RAD21L1: variants seen among roughly 807,000 people sequenced by gnomAD.
The protein encoded by RAD21L1 is double-strand-break repair protein rad21-like protein 1.
A neutral mutation model predicts 69.0 loss-of-function variants in RAD21L1; 47 were observed. The ratio of observed to expected loss-of-function variants is 0.68; its 90% confidence interval spans 0.54 to 0.87. RAD21L1 has a LOEUF of 0.87. Among genes scored for constraint, RAD21L1 ranks in the 40% least tolerant of loss-of-function variants. RAD21L1 has a pLI of 0.00. For missense variants in RAD21L1, 583 were observed against 647.6 expected (o/e 0.90, Z 1.08); for synonymous variants, 177 against 205.8 (o/e 0.86, Z 1.20).
In RAD21L1 at chr20:1,243,983, A is replaced by G. The variant is rs1181873924; in HGVS notation, c.1184-63A>G. ...TCAGAAGTTTTCTTTTGTTACAACC[A>G]TATCACAATTCAAGTTTGAAAGATA... On this transcript the variant is annotated intron_variant, in intron 10 of 13. Transcript: ENST00000683101. The G allele has an allele frequency of 1.2e-5, 17 of 1,421,714 alleles. No homozygotes were observed. The South Asian group carries it at 1.3e-4, about 11-fold the overall frequency. The allele number at this position is 1,421,714 out of a possible 1,614,324, so 88.1% of individuals were successfully genotyped here. A position where few individuals can be genotyped will look rare whatever the true frequency, so the allele number is the denominator to read the frequency against.
chr20:1,250,714 C>T (rs963506039), intron 13 of RAD21L1, among the ~76,000 whole-genome samples: 7 of 152,170 alleles, frequency 4.6e-5, no homozygotes, highest in African/African-American at 1.4e-4. Context: ...TCCTTTACTT[C>T]ATTTTTTTAT....
At chr20:1,233,598 C>G (rs1002920948) in intron 4 of RAD21L1, among the ~76,000 whole-genome samples, 4 of 152,180 alleles carry the variant, frequency 2.6e-5, no homozygotes, top group African/African-American at 7.2e-5. Context: ...CCAGCAGATT[C>G]ATCGTCTGGT....
chr20:1,249,827 T>C (rs2087789972), intron 13 of RAD21L1, among the ~76,000 whole-genome samples: 2 of 152,254 alleles, frequency 1.3e-5, no homozygotes, highest in Admixed American at 6.5e-5. Flanking sequence ...GTCAACTTTA[T>C]GGTTGTTTTG....
Position 1,254,145 on chromosome 20 carries a change from T to C in RAD21L1, c.1480-124T>C, listed in dbSNP as rs959287692. On this transcript the variant is annotated intron_variant, in intron 13 of 13. Transcript: ENST00000683101. Reference sequence around the variant, plus strand: ...AAGGAGTCATTTCCCTTTTTCCATTTAAGGATTTTATAGTCATTTATCCAA... The same window carrying C: ...AAGGAGTCATTTCCCTTTTTCCATTCAAGGATTTTATAGTCATTTATCCAA... The C allele has an allele frequency of 9.1e-5, 57 of 626,778 alleles. No homozygotes were observed. The African/African-American group carries it at 9.9e-4, about 11-fold the overall frequency. The allele number at this position is 626,778 out of a possible 1,614,324, so 38.8% of individuals were successfully genotyped here.
chr20:1,226,126 G>C lies in RAD21L1; in HGVS notation c.-47G>C, dbSNP rs1295939472. Reference sequence around the variant, plus strand: ...CCCTGCTCTGGCACGCCACACCTCAGACGAGGCTTTGAAAGTAGGGCGCAG... The same window carrying C: ...CCCTGCTCTGGCACGCCACACCTCACACGAGGCTTTGAAAGTAGGGCGCAG... On this transcript the variant is annotated 5_prime_UTR_variant, in exon 1 of 14. Coordinates refer to ENST00000683101, the MANE Select transcript of RAD21L1 (RefSeq NM_001384355.1). 1 of 150,130 alleles carries C rather than the reference G, an allele frequency of 6.7e-6. No individual in the cohort carries two copies. The highest frequency in any genetic ancestry group is 1.5e-5 in the Non-Finnish European group (1 of 67,610). 9.3% of individuals were successfully genotyped at this position (150,130 alleles called of 1,614,324 possible).
chr20:1,242,845 G>C lies in RAD21L1; in HGVS notation c.1083G>C (p.Met361Ile). The change falls in exon 9 of 14, where the codon ATG becomes ATC. Residue 361 changes from methionine to isoleucine, a missense_variant and splice_region_variant. Transcript: ENST00000683101. ...ATTTGATTCATGCTGAACTGAAAAT[G>C]GTAACGGTTCCTACCCTTCTACATG... ...AQDLIHAELK[M>I]LFTKCFLSSG... 1 of 1,544,856 alleles carries C rather than the reference G, an allele frequency of 6.5e-7. No individual in the cohort carries two copies. Among genetic ancestry groups the C allele is most frequent in the Non-Finnish European group, 8.8e-7 (1 of 1,140,882 alleles).
chr20:1,242,891 A>G, intron 9 of RAD21L1, 46 bp downstream of exon 9: 1 of 1,165,016 alleles, frequency 8.6e-7, no homozygotes, highest in South Asian at 1.4e-5. Context: ...CTGGTTATAA[A>G]TAAATAATAA....
intron 9 of RAD21L1, 51 bp downstream of exon 9, chr20:1,242,896 T>TA (rs2087643606): frequency 8.6e-7 from 1 of 1,167,526 alleles, no homozygotes. Flanking sequence ...TATAAATAAA[T>TA]AATAAATAAA....
Position 1,228,492 on chromosome 20 carries a change from A to G in RAD21L1, c.39A>G (p.Pro13=), listed in dbSNP as rs972593757. Residue 13 remains proline (P), a synonymous_variant, in exon 2 of 14, where the codon CCA becomes CCG. Coordinates refer to ENST00000683101, the MANE Select transcript of RAD21L1 (RefSeq NM_001384355.1). ...ATGTGCTTATGAGTAAACGAGGGCC[A>G]TTGGCCAAAATATGGCTTGCAGCTC... ...YTHVLMSKRG[P]LAKIWLAAHW... 4 of 1,550,214 alleles carry G rather than the reference A, an allele frequency of 2.6e-6. No individual in the cohort carries two copies. Among genetic ancestry groups the G allele is most frequent in the Non-Finnish European group, 3.5e-6 (4 of 1,146,310 alleles).
chr20:1,240,462 AT>A (rs2087584429), intron 8 of RAD21L1, 28 bp downstream of exon 8: 2 of 1,530,650 alleles, frequency 1.3e-6, no homozygotes, highest in African/African-American at 2.8e-5. Flanking sequence ...TTTTGTTTTA[AT>A]TTTTAATACA....
rs185700848 is a variant in RAD21L1, at chr20:1,253,017, A to G, written c.1480-1252A>G. 3.3e-3 allele frequency among the ~76,000 whole-genome samples: 507 copies of G among 152,306 alleles called. 1 individual carries two copies. The highest frequency in any genetic ancestry group is 4.9e-3 in the Non-Finnish European group (335 of 68,012). ...CAAAATAATTCTTGAAATTGAAAAA[A>G]CTGTCCTTATTCTCTCCCAGGGGGG... On this transcript the variant is annotated intron_variant, in intron 13 of 13. Coordinates refer to ENST00000683101, the MANE Select transcript of RAD21L1 (RefSeq NM_001384355.1).
At chr20:1,243,448 C>G (rs527540346) in intron 10 of RAD21L1, among the ~76,000 whole-genome samples, 1 of 152,196 alleles carries the variant, frequency 6.6e-6, no homozygotes, top group East Asian at 1.9e-4. Flanking sequence ...TTCTTATTAT[C>G]ACTCTTTCTA....
chr20:1,251,508 T>C (rs1481457035), intron 13 of RAD21L1, among the ~76,000 whole-genome samples: 1 of 152,002 alleles, frequency 6.6e-6, no homozygotes. Flanking sequence ...AAGTTTTTCA[T>C]AGAGTCAAGG....
intron 7 of RAD21L1, 64 bp from the exon 8 acceptor site, chr20:1,240,257 C>T: frequency 6.9e-7 from 1 of 1,445,214 alleles, no homozygotes; most frequent in Non-Finnish European, 9.1e-7. Flanking sequence ...AATTCTCATA[C>T]AGTCCTCTAG....
Position 1,254,398 on chromosome 20 carries a change from C to G in RAD21L1, c.1609C>G (p.Gln537Glu), listed in dbSNP as rs1465891682. The change falls in exon 14 of 14, where the codon CAG becomes GAG. Residue 537 changes from glutamine to glutamate, a missense_variant. Transcript: ENST00000683101. ...GAAACAGCTGGCTATTGAGCTGAGCCAGAGTGCTCCCTATGCAGATATTAT... is the reference window on the plus strand; with the variant it reads ...GAAACAGCTGGCTATTGAGCTGAGCGAGAGTGCTCCCTATGCAGATATTAT... ...LKKQLAIELSQSAPYADIIAT... is the reference protein window; with the variant it reads ...LKKQLAIELSESAPYADIIAT... 1.9e-6 allele frequency: 3 copies of G among 1,550,994 alleles called. No individual in the cohort carries two copies. Among genetic ancestry groups the G allele is most frequent in the Non-Finnish European group, 2.6e-6 (3 of 1,146,708 alleles).
chr20:1,236,418 T>C (rs554053392), intron 5 of RAD21L1, among the ~76,000 whole-genome samples: 1 of 152,356 alleles, frequency 6.6e-6, no homozygotes, highest in Non-Finnish European at 1.5e-5. Flanking sequence ...CTTTATTTTA[T>C]CAGCTTTGTT....
chr20:1,234,091 TG>T lies in RAD21L1; in HGVS notation c.376del (p.Asp126MetfsTer26). 6.7e-7 allele frequency: 1 copy of T among 1,486,310 alleles called. No homozygotes were observed. Among genetic ancestry groups the T allele is most frequent in the Non-Finnish European group, 9.2e-7 (1 of 1,090,140 alleles). 92.1% of individuals were successfully genotyped at this position (1,486,310 alleles called of 1,614,324 possible). A position where few individuals can be genotyped will look rare whatever the true frequency, so the allele number is the denominator to read the frequency against. ...ACCTTCTATTTCTCCATAGTGCTAT[TG>T]ATGTTTCAGAACACTTTACTCAGAA... Reference protein sequence around the residue: ...DFDTQNMNAIDVSEHFTQNQS... With the variant: ...DFDTQNMNAIXVSEHFTQNQS... On this transcript the variant is annotated frameshift_variant, in exon 5 of 14. Transcript: ENST00000683101. LOFTEE classifies it high-confidence loss of function.
chr20:1,254,569 A>T lies in RAD21L1; in HGVS notation c.*112A>T, dbSNP rs931685933. On this transcript the variant is annotated 3_prime_UTR_variant, in exon 14 of 14. Transcript: ENST00000683101. The stretch of plus-strand genomic sequence containing the variant: ...TGAAGGTCTGATCCATTTCATAGAT[A>T]GGCTGACCTACTTCCTCTCTGTAGT... 5.0e-6 allele frequency: 3 copies of T among 603,660 alleles called. No homozygotes were observed. The highest frequency in any genetic ancestry group is 8.0e-6 in the Non-Finnish European group (3 of 377,106). 37.4% of individuals were successfully genotyped at this position (603,660 alleles called of 1,614,324 possible).
rs2087906607 is a variant in RAD21L1 at position 1,254,943 on chromosome 20, T to A, written c.*486T>A. 6.6e-6 allele frequency among the ~76,000 whole-genome samples: 1 copy of A among 152,250 alleles called. No individual in the cohort carries two copies. The highest frequency in any genetic ancestry group is 6.5e-5 in the Admixed American group (1 of 15,290). On this transcript the variant is annotated 3_prime_UTR_variant, in exon 14 of 14. Coordinates refer to ENST00000683101, the MANE Select transcript of RAD21L1 (RefSeq NM_001384355.1). Reference sequence around the variant, plus strand: ...AATGCTGTATGTTTTTGACAGACATTCAAAGATGTTTCTTAAAAGGCTATT... The same window carrying A: ...AATGCTGTATGTTTTTGACAGACATACAAAGATGTTTCTTAAAAGGCTATT...
Sources: allele counts gnomAD v4.1 joint callset (sites outside exome capture counted in the v4.1 genomes callset), GRCh38; gene constraint gnomAD v4.1.1; transcripts MANE v1.5; gene names NCBI Gene and HGNC (gene_info 2026-07-23, HGNC 2026-07-21).